The following NAALADL2 variants were observed in gnomAD, a reference collection of about 807,000 sequenced individuals.
NAALADL2 encodes the protein inactive N-acetylated-alpha-linked acidic dipeptidase-like protein 2.
In NAALADL2, 76 loss-of-function variants were observed where a neutral mutation model predicts 87.2. The observed-to-expected ratio is 0.87, with a 90% CI of 0.72 to 1.05. The LOEUF (loss-of-function observed/expected upper bound fraction) is 1.05, where lower values mean the gene tolerates loss of function less well. Among genes scored for constraint, NAALADL2 ranks in the 50% least tolerant of loss-of-function variants. NAALADL2 has a pLI of 0.00. For missense variants in NAALADL2, 1,089 were observed against 945.8 expected, an observed-to-expected ratio of 1.15 and a Z score of -1.99; for synonymous variants, 354 against 331.0, an observed-to-expected ratio of 1.07 and a Z score of -0.75.
At chr3:174,519,290 C>A (rs1578070539) in intron 1 of NAALADL2, among the ~76,000 whole-genome samples, 2 of 148,180 alleles carry the variant, frequency 1.3e-5, no homozygotes, top group African/African-American at 5.0e-5. Context: ...TAGCCCTCAG[C>A]AAAGTTTTTG....
At chr3:174,956,097 C>A (rs1192447728) in intron 1 of NAALADL2, among the ~76,000 whole-genome samples, 3 of 152,044 alleles carry the variant, frequency 2.0e-5, no homozygotes, top group African/African-American at 7.2e-5. Flanking sequence ...CTAAACCCTG[C>A]TGGGATCACT....
At chr3:175,539,500 T>A (rs142735508) in intron 9 of NAALADL2, among the ~76,000 whole-genome samples, 40 of 152,298 alleles carry the variant, frequency 2.6e-4, no homozygotes, top group African/African-American at 8.7e-4. Context: ...TATTTTATTT[T>A]AAATTTTTTT....
intron 3 of NAALADL2, among the ~76,000 whole-genome samples, chr3:174,747,488 G>A (rs894468310): frequency 4.6e-5 from 7 of 151,838 alleles, no homozygotes; most frequent in African/African-American, 1.7e-4. Context: ...CAGGCATGGT[G>A]GTGTGCACCT....
At chr3:174,519,878 C>A (rs1172275707) in intron 1 of NAALADL2, among the ~76,000 whole-genome samples, 1 of 152,000 alleles carries the variant, frequency 6.6e-6, no homozygotes, top group African/African-American at 2.4e-5. Flanking sequence ...AACCCACAGC[C>A]AACATCATAC....
intron 4 of NAALADL2, among the ~76,000 whole-genome samples, chr3:175,303,416 A>G (rs1006814130): frequency 2.0e-5 from 3 of 152,142 alleles, no homozygotes; most frequent in Admixed American, 6.6e-5. Context: ...TTCATACTTT[A>G]AGAAGTTTTT....
intron 1 of NAALADL2, among the ~76,000 whole-genome samples, chr3:174,498,495 G>A (rs1447380821): frequency 6.6e-6 from 1 of 151,652 alleles, no homozygotes; most frequent in East Asian, 1.9e-4. Context: ...AAATAAAGCT[G>A]CTACGAACAT....
At chr3:174,825,047 T>C (rs1396554864) in intron 3 of NAALADL2, among the ~76,000 whole-genome samples, 1 of 152,228 alleles carries the variant, frequency 6.6e-6, no homozygotes, top group African/African-American at 2.4e-5. Context: ...GGACCAAGTT[T>C]CTTTTTTTAT....
At chr3:175,140,986 T>C (rs557058094) in intron 2 of NAALADL2, among the ~76,000 whole-genome samples, 1 of 152,022 alleles carries the variant, frequency 6.6e-6, no homozygotes, top group African/African-American at 2.4e-5. Context: ...AAAAAATAAA[T>C]TCAGTGGGGT....
intron 1 of NAALADL2, among the ~76,000 whole-genome samples, chr3:175,085,618 CAT>C (rs1240122053): frequency 6.6e-6 from 1 of 151,978 alleles, no homozygotes; most frequent in African/African-American, 2.4e-5. Flanking sequence ...GTTCCTAAGA[CAT>C]GTGGTTAAGA....
intron 1 of NAALADL2, among the ~76,000 whole-genome samples, chr3:175,039,586 T>G (rs907988644): frequency 6.6e-6 from 1 of 152,068 alleles, no homozygotes; most frequent in African/African-American, 2.4e-5. Context: ...TCATGAATCA[T>G]AAAAAGTAGA....
At chr3:175,054,095 A>T (rs924435591) in intron 1 of NAALADL2, among the ~76,000 whole-genome samples, 1 of 152,258 alleles carries the variant, frequency 6.6e-6, no homozygotes, top group Non-Finnish European at 1.5e-5. Context: ...TGAACCACGT[A>T]TGAAGAATCA....
At chr3:175,172,002 A>G (rs1393259902) in intron 2 of NAALADL2, among the ~76,000 whole-genome samples, 1 of 152,128 alleles carries the variant, frequency 6.6e-6, no homozygotes, top group African/African-American at 2.4e-5. Context: ...GATATAGGGT[A>G]GATTAAGTGT....
In NAALADL2 at chr3:174,627,077, T is replaced by C. The variant is rs78198965; in HGVS notation, c.-115+76440T>C. Among the ~76,000 whole-genome samples the C allele has an allele frequency of 7.8e-3, 1,187 of 152,232 alleles. 15 individuals are homozygous for C. The highest frequency in any genetic ancestry group is 0.027 in the African/African-American group (1,121 of 41,564). ...ACTTATGGTTCATGGTCTGTGACCTTAGGGATCTAAAAGTTAAGTCATTTA... is the reference window on the plus strand; with the variant it reads ...ACTTATGGTTCATGGTCTGTGACCTCAGGGATCTAAAAGTTAAGTCATTTA... On this transcript the variant is annotated intron_variant, in intron 2 of 3. Coordinates refer to the NAALADL2 transcript ENST00000434257.
intron 5 of NAALADL2, among the ~76,000 whole-genome samples, chr3:175,328,571 G>A (rs907088681): frequency 1.3e-5 from 2 of 152,076 alleles, no homozygotes; most frequent in East Asian, 1.9e-4. Context: ...ACTGTGATCC[G>A]AATAAATCTG....
intron 1 of NAALADL2, among the ~76,000 whole-genome samples, chr3:174,911,978 A>G (rs1238643392): frequency 6.6e-6 from 1 of 152,056 alleles, no homozygotes; most frequent in Non-Finnish European, 1.5e-5. Flanking sequence ...TGACCTTTTA[A>G]CCACTGACAG....
intron 4 of NAALADL2, among the ~76,000 whole-genome samples, chr3:175,321,022 A>T (rs1759784875): frequency 6.6e-6 from 1 of 151,758 alleles, no homozygotes; most frequent in Admixed American, 6.6e-5. Flanking sequence ...AGCCGGGCAG[A>T]GACACAACCA....
intron 2 of NAALADL2, among the ~76,000 whole-genome samples, chr3:174,555,253 A>C (rs1913733): frequency 4.6e-5 from 7 of 152,254 alleles, no homozygotes; most frequent in Admixed American, 2.6e-4. Flanking sequence ...ATTTAATATA[A>C]GTTTTATGAG....
intron 2 of NAALADL2, among the ~76,000 whole-genome samples, chr3:174,685,150 C>G (rs1051333156): frequency 6.6e-5 from 10 of 152,070 alleles, no homozygotes; most frequent in African/African-American, 2.4e-4. Context: ...CCAAAACTTT[C>G]CTAAAGTCAG....
intron 1 of NAALADL2, among the ~76,000 whole-genome samples, chr3:174,932,789 A>T (rs1368347336): frequency 6.6e-6 from 1 of 152,150 alleles, no homozygotes; most frequent in Non-Finnish European, 1.5e-5. Flanking sequence ...GATTACCTTT[A>T]GTGTAATATG....
Sources: allele counts gnomAD v4.1 joint callset (sites outside exome capture counted in the v4.1 genomes callset), GRCh38; gene constraint gnomAD v4.1.1; transcripts MANE v1.5; gene names NCBI Gene and HGNC (gene_info 2026-07-23, HGNC 2026-07-21).